SNTB1: variants seen among roughly 807,000 people sequenced by gnomAD.
The protein encoded by SNTB1 is beta-1-syntrophin.
SNTB1 carries 36 observed loss-of-function variants against 48.9 expected under a neutral mutation model. The ratio of observed to expected loss-of-function variants is 0.74; its 90% CI spans 0.56 to 0.97. The LOEUF is 0.97. Among genes scored for constraint, SNTB1 ranks in the 50% least tolerant of loss-of-function variants. The pLI is 0.00. For synonymous variants in SNTB1, 299 were observed against 294.6 expected (o/e 1.01, Z -0.15); for missense variants, 786 against 703.4 (o/e 1.12, Z -1.33).
At chr8:120,738,497 G>C (rs1354023922) in intron 1 of SNTB1, among the ~76,000 whole-genome samples, 1 of 151,604 alleles carries the variant, frequency 6.6e-6, no homozygotes, top group Non-Finnish European at 1.5e-5. Flanking sequence ...GCAAGTCTTA[G>C]AGAGGCTCAT....
chr8:120,774,287 T>C (rs920392551), intron 1 of SNTB1, among the ~76,000 whole-genome samples: 4 of 152,170 alleles, frequency 2.6e-5, no homozygotes, highest in South Asian at 4.1e-4. Flanking sequence ...GCACACCCCA[T>C]GAAGGTGTGG....
chr8:120,601,590 C>T lies in SNTB1; in HGVS notation c.997-26365G>A, dbSNP rs184492744. On this transcript the variant is annotated intron_variant, in intron 3 of 6. Transcript: ENST00000517992. ...TGTGTATTGGAGACAACTTCATCTA[C>T]CTCTTGTGTCTCACTCCATCCCTGA... 3.7e-3 allele frequency among the ~76,000 whole-genome samples: 565 copies of T among 152,262 alleles called. 4 individuals are homozygous for T. The highest frequency in any genetic ancestry group is 0.015 in the Admixed American group (226 of 15,302).
intron 2 of SNTB1, chr8:120,636,731 G>T (rs1427949612): frequency 6.6e-6 from 1 of 152,166 alleles, no homozygotes; most frequent in Non-Finnish European, 1.5e-5. Flanking sequence ...ATAGCAGCAT[G>T]ATTTATAATC....
intron 3 of SNTB1, among the ~76,000 whole-genome samples, chr8:120,588,528 G>T (rs939865310): frequency 9.4e-5 from 6 of 63,542 alleles, no homozygotes; most frequent in Non-Finnish European, 2.0e-4. Context: ...ACTGGGAATA[G>T]CCATTTTTTT....
intron 3 of SNTB1, among the ~76,000 whole-genome samples, chr8:120,577,983 G>T (rs1321722722): frequency 3.9e-5 from 6 of 152,118 alleles, no homozygotes; most frequent in African/African-American, 1.4e-4. Flanking sequence ...GCTGCCTATG[G>T]GGACAAACAA....
Position 120,797,174 on chromosome 8 carries a change from G to A in SNTB1, c.571+14099C>T, listed in dbSNP as rs372515071. 1.1e-4 allele frequency among the ~76,000 whole-genome samples: 17 copies of A among 152,024 alleles called. 1 individual carries two copies. In the East Asian group the frequency reaches 1.2e-3, roughly 10 times the overall value. ...ATAAATACAGAGTGATAAACACACC[G>A]TACAAAAACACGGTGTCCTGTCATT... On this transcript the variant is annotated intron_variant, in intron 1 of 6. Coordinates refer to ENST00000517992, the MANE Select transcript of SNTB1 (RefSeq NM_021021.4).
At chr8:120,755,438 CTA>C (rs775359163) in intron 1 of SNTB1, among the ~76,000 whole-genome samples, 45 of 151,902 alleles carry the variant, frequency 3.0e-4, no homozygotes, top group Non-Finnish European at 5.9e-5. Context: ...GAGAGCCAAA[CTA>C]TATTGGGCTG....
intron 1 of SNTB1, among the ~76,000 whole-genome samples, chr8:120,707,113 C>G (rs1430851188): frequency 6.6e-6 from 1 of 152,162 alleles, no homozygotes; most frequent in Non-Finnish European, 1.5e-5. Context: ...TGCACACAGC[C>G]TCATTGCATG....
At chr8:120,624,858 C>A (rs916598613) in intron 3 of SNTB1, among the ~76,000 whole-genome samples, 1 of 152,148 alleles carries the variant, frequency 6.6e-6, no homozygotes, top group East Asian at 1.9e-4. Context: ...ATTCCTGTTC[C>A]AAAAGGGAGA....
At chr8:120,655,750 G>A (rs916986065) in intron 2 of SNTB1, among the ~76,000 whole-genome samples, 4 of 152,206 alleles carry the variant, frequency 2.6e-5, no homozygotes, top group African/African-American at 9.7e-5. Context: ...CCCAAAGATA[G>A]AAGCCAGAAT....
intron 5 of SNTB1, among the ~76,000 whole-genome samples, chr8:120,545,727 C>T (rs1815370138): frequency 1.3e-5 from 2 of 152,152 alleles, no homozygotes; most frequent in African/African-American, 4.8e-5. Context: ...GCGTTAGGCC[C>T]ATGTGGCTGC....
intron 5 of SNTB1, 93 bp from the exon 6 acceptor site, chr8:120,542,093 G>T: frequency 1.2e-6 from 1 of 828,750 alleles, no homozygotes; most frequent in Non-Finnish European, 1.8e-6. Flanking sequence ...CTCAGTCCCA[G>T]CGATCAGCTA....
At chr8:120,791,044 A>C (rs999499786) in intron 1 of SNTB1, among the ~76,000 whole-genome samples, 2 of 151,846 alleles carry the variant, frequency 1.3e-5, no homozygotes, top group Non-Finnish European at 2.9e-5. Context: ...AGTTTTGGTT[A>C]CATGTTTTGT....
chr8:120,791,518 G>C (rs924094456), intron 1 of SNTB1, among the ~76,000 whole-genome samples: 4 of 151,864 alleles, frequency 2.6e-5, no homozygotes, highest in African/African-American at 9.7e-5. Context: ...TTACAGAATG[G>C]GAGAACATAT....
chr8:120,664,582 A>G (rs1817643805), intron 2 of SNTB1, among the ~76,000 whole-genome samples: 1 of 152,194 alleles, frequency 6.6e-6, no homozygotes, highest in Non-Finnish European at 1.5e-5. Context: ...TTTAAGATTC[A>G]TCCATGTTGT....
At chr8:120,637,585 A>C (rs1817103639) in intron 2 of SNTB1, 1 of 203,382 alleles carries the variant, frequency 4.9e-6, no homozygotes, top group Middle Eastern at 9.4e-4. Context: ...GTTATGTGCA[A>C]AATTCTGATT....
At chr8:120,749,016 A>T (rs1196515336) in intron 1 of SNTB1, among the ~76,000 whole-genome samples, 1 of 152,376 alleles carries the variant, frequency 6.6e-6, no homozygotes, top group African/African-American at 2.4e-5. Flanking sequence ...GCACCCAATA[A>T]GAACATAATA....
intron 3 of SNTB1, among the ~76,000 whole-genome samples, chr8:120,578,120 C>A (rs951526876): frequency 9.2e-5 from 14 of 151,976 alleles, no homozygotes; most frequent in Admixed American, 3.3e-4. Context: ...GCAAGCTCCG[C>A]CTCCTGGGGT....
At chr8:120,658,111 C>T (rs890816909) in intron 2 of SNTB1, among the ~76,000 whole-genome samples, 8 of 152,118 alleles carry the variant, frequency 5.3e-5, no homozygotes, top group African/African-American at 1.9e-4. Context: ...AGTGAGGGTA[C>T]AGGAGGAGAA....
Sources: gnomAD v4.1 joint callset for allele counts (sites outside exome capture counted in the v4.1 genomes callset) on GRCh38, gnomAD v4.1.1 for gene constraint, MANE v1.5 for transcripts, NCBI Gene and HGNC (gene_info 2026-07-23, HGNC 2026-07-21) for gene names.